Variants in LTA4H observed in about 807,000 individuals in gnomAD.
LTA4H encodes leukotriene A4 hydrolase, also known as leukotriene A-4 hydrolase.
Under a neutral mutation model 89.8 loss-of-function variants are expected in LTA4H, and 59 were observed. The ratio of observed to expected loss-of-function variants is 0.66; its 90% confidence interval spans 0.53 to 0.82. The LOEUF (loss-of-function observed/expected upper bound fraction) is 0.82. Among genes scored for constraint, LTA4H ranks in the 40% least tolerant of loss-of-function variants. The probability of loss-of-function intolerance (pLI) is 0.00; values close to 1 mark genes in which losing one functional copy is unlikely to be tolerated. For synonymous variants in LTA4H, 227 were observed against 253.1 expected (o/e 0.90, Z 0.98); for missense variants, 617 against 727.0 (o/e 0.85, Z 1.74).
chr12:96,001,014 A>G lies in LTA4H; in HGVS notation c.1811T>C (p.Val604Ala), dbSNP rs140220052. The change falls in exon 19 of 19, where the codon GTG becomes GCG. Residue 604 changes from valine to alanine, a missense_variant. Val to Ala is a moderately conservative substitution (Grantham distance 64). Coordinates refer to ENST00000228740, the MANE Select transcript of LTA4H (RefSeq NM_000895.3). ...ASMHPVTAML[V>A]GKDLKVD is the part of the protein sequence containing the mutation. ...TTAATCCACTTTTAAGTCTTTCCCCACCAGCATTGCAGTCACGGGATGCAT... is the reference window on the plus strand; with the variant it reads ...TTAATCCACTTTTAAGTCTTTCCCCGCCAGCATTGCAGTCACGGGATGCAT... 753 of 1,613,474 alleles carry G rather than the reference A, an allele frequency of 4.7e-4. No individual in the cohort carries two copies. The highest frequency in any genetic ancestry group is 5.9e-4 in the Non-Finnish European group (699 of 1,179,412).
rs1297432253 is a variant in LTA4H at position 96,022,779 on chromosome 12, G to GCACCATCCCTGGCAATGGCAGC, written c.481-550_481-529dup. Among the ~76,000 whole-genome samples the GCACCATCCCTGGCAATGGCAGC allele has an allele frequency of 6.6e-6, 1 of 152,098 alleles. No individual in the cohort carries two copies. Among genetic ancestry groups the GCACCATCCCTGGCAATGGCAGC allele is most frequent in the Admixed American group, 6.5e-5 (1 of 15,272 alleles). On this transcript the variant is annotated intron_variant, in intron 4 of 18. Coordinates refer to ENST00000228740, the MANE Select transcript of LTA4H (RefSeq NM_000895.3). The surrounding 1 kb of genome is among the most constrained non-coding windows in gnomAD (Gnocchi z 4.0). ...ATAAATAATATAAGTGAAGAGCCCA[G>GCACCATCCCTGGCAATGGCAGC]CACCATCCCTGGCAATGGCAGCCAC...
At chr12:96,006,268 G>T in intron 16 of LTA4H, 46 bp downstream of exon 16, 1 of 1,202,856 alleles carries the variant, frequency 8.3e-7, no homozygotes, top group Non-Finnish European at 1.2e-6. Flanking sequence ...TAAATGCTGT[G>T]CCTTTCTGTC....
At chr12:96,041,921 G>A (rs542532228) in intron 1 of LTA4H, among the ~76,000 whole-genome samples, 136 of 151,640 alleles carry the variant, frequency 9.0e-4, no homozygotes, top group Middle Eastern at 3.5e-3. Flanking sequence ...GATTACAGGC[G>A]TGAGCCACCG....
Position 96,001,062 on chromosome 12 carries a change from G to T in LTA4H, c.1763C>A (p.Thr588Asn). 1 of 1,614,068 alleles carries T rather than the reference G, an allele frequency of 6.2e-7. No homozygotes were observed. Among genetic ancestry groups the T allele is most frequent in the South Asian group, 1.1e-5 (1 of 91,062 alleles). The change falls in exon 19 of 19, where the codon ACC becomes AAC. Residue 588 changes from threonine (T) to asparagine (N), a missense_variant. Around this residue, in one of 3 missense-constraint regions of LTA4H, gnomAD observed 290 missense variants for 339.1 expected, o/e 0.86. Coordinates refer to ENST00000228740, the MANE Select transcript of LTA4H (RefSeq NM_000895.3). Reference protein sequence around the residue: ...FDKSHDQAVRTYQEHKASMHP... With the variant: ...FDKSHDQAVRNYQEHKASMHP... Reference sequence around the variant, plus strand: ...CATGCTTGCTTTGTGCTCTTGGTAGGTTCGGACAGCTTGATCATGGGATTT... The same window carrying T: ...CATGCTTGCTTTGTGCTCTTGGTAGTTTCGGACAGCTTGATCATGGGATTT...
intron 1 of LTA4H, among the ~76,000 whole-genome samples, chr12:96,041,130 G>C (rs1176361665): frequency 6.6e-6 from 1 of 151,754 alleles, no homozygotes; most frequent in African/African-American, 2.4e-5. Context: ...AGAAAGCTTT[G>C]GCAAATTTTT....
At chr12:96,023,664 T>C (rs1035009219) in intron 4 of LTA4H, among the ~76,000 whole-genome samples, 1 of 152,198 alleles carries the variant, frequency 6.6e-6, no homozygotes, top group African/African-American at 2.4e-5. Flanking sequence ...TAAGTAGGTC[T>C]AGCCTCCGGG....
intron 18 of LTA4H, 65 bp from the exon 19 acceptor site, chr12:96,001,171 G>T: frequency 1.0e-6 from 1 of 987,654 alleles, no homozygotes; most frequent in Non-Finnish European, 1.6e-6. Context: ...GAGAAAGGGA[G>T]GGAGAGAAGA....
At chr12:96,013,643 C>T (rs1343677347) in intron 13 of LTA4H, 107 bp downstream of exon 13, 1 of 652,840 alleles carries the variant, frequency 1.5e-6, no homozygotes, top group African/African-American at 1.9e-5. Context: ...AGGTTGAGTC[C>T]TAAAGTTCTG....
chr12:96,026,802 G>C (rs1168607907), intron 3 of LTA4H, among the ~76,000 whole-genome samples: 1 of 152,186 alleles, frequency 6.6e-6, no homozygotes, highest in Non-Finnish European at 1.5e-5. Context: ...TGATTACTAT[G>C]AAAAGTAGGT....
At chr12:96,021,217 AAAGT>A (rs1950449061) in intron 5 of LTA4H, 80 bp from the exon 6 acceptor site, 5 of 1,078,376 alleles carry the variant, frequency 4.6e-6, no homozygotes, top group Non-Finnish European at 6.5e-6. Context: ...TTCATATTTA[AAAGT>A]AAGTAAATTC....
rs1195468423 is a variant in LTA4H, at chr12:96,027,430, G to T, written c.411+14C>A. 6.4e-7 allele frequency: 1 copy of T among 1,560,070 alleles called. No individual in the cohort carries two copies. Among genetic ancestry groups the T allele is most frequent in the East Asian group, 2.3e-5 (1 of 42,946 alleles). ...AATTTTCTGCATCAGAAATCATTCT[G>T]GAATCCTTTTTACCTGGCACTGACT... On this transcript the variant is annotated intron_variant, in intron 3 of 18. Transcript: ENST00000228740.
intron 3 of LTA4H, among the ~76,000 whole-genome samples, chr12:96,027,183 A>C (rs1950521702): frequency 6.6e-6 from 1 of 152,294 alleles, no homozygotes; most frequent in Non-Finnish European, 1.5e-5. Flanking sequence ...GCTAAGTTCT[A>C]AGTCAGGCCT....
At chr12:96,036,307 G>C (rs1950646535), upstream of LTA4H, among the ~76,000 whole-genome samples, 1 of 152,192 alleles carries the variant, frequency 6.6e-6, no homozygotes, top group Non-Finnish European at 1.5e-5. Context: ...CAGCTCTGGG[G>C]CCTTTGTGGC....
At position 96,019,166 on chromosome 12, in the gene LTA4H, A is replaced by G; in HGVS notation, c.711+2T>C. The G allele has an allele frequency of 1.2e-6, 2 of 1,609,678 alleles. No homozygotes were observed. The highest frequency in any genetic ancestry group is 1.7e-6 in the Non-Finnish European group (2 of 1,178,670). On this transcript the variant is annotated splice_donor_variant, in intron 7 of 18. Transcript: ENST00000228740. LOFTEE classifies it high-confidence loss of function. ...ATTACAAAGGATAACTAAATGACCAACCTCAGAAAACTCATAAGCAGACTT... is the reference window on the plus strand; with the variant it reads ...ATTACAAAGGATAACTAAATGACCAGCCTCAGAAAACTCATAAGCAGACTT...
At position 96,006,170 on chromosome 12, in the gene LTA4H, CT is replaced by C; in HGVS notation, c.1530+143del. The C allele has an allele frequency of 3.7e-6, 2 of 535,744 alleles. 1 individual carries two copies. 33.2% of individuals were successfully genotyped at this position (535,744 alleles called of 1,614,324 possible). A position where few individuals can be genotyped will look rare whatever the true frequency, so the allele number is the denominator to read the frequency against. On this transcript the variant is annotated intron_variant, in intron 16 of 18. Coordinates refer to ENST00000228740, the MANE Select transcript of LTA4H (RefSeq NM_000895.3). Reference sequence around the variant, plus strand: ...TATAAAACACAGTAAGCATTCAATGCTTTTTTAAAGAAATGAATAAATTTTA... The same window carrying C: ...TATAAAACACAGTAAGCATTCAATGCTTTTTAAAGAAATGAATAAATTTTA...
chr12:96,021,073 C>T lies in LTA4H; in HGVS notation c.638+12G>A. 1 of 1,598,942 alleles carries T rather than the reference C, an allele frequency of 6.3e-7. No homozygotes were observed. The highest frequency in any genetic ancestry group is 1.8e-5 in the Admixed American group (1 of 55,644). On this transcript the variant is annotated intron_variant, in intron 6 of 18. Transcript: ENST00000228740. ...TCTTTCCACAAACCTGAAAATTTTT[C>T]CAAAAGCTCACCTGCTTTCTAAAGC...
At chr12:96,018,088 T>A (rs1950402879) in intron 8 of LTA4H, among the ~76,000 whole-genome samples, 1 of 149,334 alleles carries the variant, frequency 6.7e-6, no homozygotes, top group Admixed American at 6.7e-5. Context: ...GGTGTACTGA[T>A]TTTTTTTTTA....
At chr12:96,007,658 A>C (rs1220249410) in intron 15 of LTA4H, among the ~76,000 whole-genome samples, 1 of 152,262 alleles carries the variant, frequency 6.6e-6, no homozygotes, top group Non-Finnish European at 1.5e-5. Context: ...TGTTCCTAAC[A>C]ATGCCTGTTT....
At chr12:96,002,689 G>C (rs555066267) in intron 18 of LTA4H, among the ~76,000 whole-genome samples, 1 of 152,088 alleles carries the variant, frequency 6.6e-6, no homozygotes, top group African/African-American at 2.4e-5. Context: ...AAAAATCTTT[G>C]TGTATATAAG....
Sources: allele counts gnomAD v4.1 joint callset (sites outside exome capture counted in the v4.1 genomes callset), GRCh38; gene constraint gnomAD v4.1.1; regional missense constraint gnomAD v4.1.1; non-coding constraint Gnocchi (gnomAD v3.1); transcripts MANE v1.5; gene names NCBI Gene and HGNC (gene_info 2026-07-23, HGNC 2026-07-21).